The following MMD variants were observed in gnomAD, a reference collection of about 807,000 sequenced individuals.
The protein encoded by MMD is monocyte to macrophage differentiation factor.
MMD carries 22 observed loss-of-function variants against 33.6 expected under a neutral mutation model. The observed-to-expected ratio is 0.66, with a 90% CI of 0.47 to 0.94. The LOEUF is 0.94. Among genes scored for constraint, MMD ranks in the 40% least tolerant of loss-of-function variants. The pLI is 0.00. For synonymous variants in MMD, 97 were observed against 103.2 expected, an observed-to-expected ratio of 0.94 and a Z score of 0.36; for missense variants, 242 against 309.8, an observed-to-expected ratio of 0.78 and a Z score of 1.64.
intron 1 of MMD, among the ~76,000 whole-genome samples, chr17:55,416,189 G>A (rs1395249043): frequency 2.6e-5 from 4 of 152,174 alleles, no homozygotes; most frequent in Non-Finnish European, 2.9e-5. Context: ...GTAGGGTGCA[G>A]TAAGTAGGAT....
In MMD at chr17:55,411,421, AG is replaced by A; in HGVS notation, c.109-5del. The stretch of plus-strand genomic sequence containing the variant: ...CGATGGCCGGAACAATGAGGAACTG[AG>A]GGAAAGATAAAGAATGGTGAATGGA... On this transcript the variant is annotated splice_polypyrimidine_tract_variant and splice_region_variant and intron_variant, in intron 2 of 6. Coordinates refer to ENST00000262065, the MANE Select transcript of MMD (RefSeq NM_012329.3). 6.2e-7 allele frequency: 1 copy of A among 1,607,712 alleles called. No homozygotes were observed. Among genetic ancestry groups the A allele is most frequent in the Non-Finnish European group, 8.5e-7 (1 of 1,178,132 alleles).
intron 1 of MMD, among the ~76,000 whole-genome samples, chr17:55,414,556 TCACACACACACACACA>T (rs58103743): frequency 0.027 from 3,354 of 122,966 alleles, 150 homozygotes; most frequent in African/African-American, 0.1. Context: ...CCTCCTCCAT[TCACACACACACACACA>T]CACACACACA....
rs1907029298 is a variant in MMD at position 55,394,512 on chromosome 17, T to G, written c.539A>C (p.Glu180Ala). The change falls in exon 7 of 7, where the codon GAA becomes GCA. Residue 180 changes from glutamate to alanine, a missense_variant. Glu to Ala is a moderately radical substitution (Grantham distance 107, BLOSUM62 -1). Transcript: ENST00000262065. ...TSMNNTDGLQ[E>A]LACGGLIYCL... ...ATAAATTAAGCCCCCACAGGCAAGT[T>G]CCTGAAGTCCATCGGTGTTGTTCTG... The G allele has an allele frequency of 6.6e-7, 1 of 1,516,866 alleles. No individual in the cohort carries two copies. Among genetic ancestry groups the G allele is most frequent in the East Asian group, 2.6e-5 (1 of 38,918 alleles). 94.0% of individuals were successfully genotyped at this position (1,516,866 alleles called of 1,614,324 possible). A position where few individuals can be genotyped will look rare whatever the true frequency, so the allele number is the denominator to read the frequency against.
chr17:55,396,639 T>A (rs553748544), intron 6 of MMD, among the ~76,000 whole-genome samples: 170 of 152,126 alleles, frequency 1.1e-3, no homozygotes, highest in African/African-American at 3.9e-3. Context: ...TTTTCTGAGA[T>A]GGAGTCTTGT....
chr17:55,411,996 G>A (rs1416278520), intron 2 of MMD, among the ~76,000 whole-genome samples: 2 of 152,088 alleles, frequency 1.3e-5, no homozygotes, highest in African/African-American at 4.8e-5. Context: ...AAGACTGCTT[G>A]GGCCTGAAAG....
At chr17:55,407,893 T>A (rs190209161) in intron 3 of MMD, 73 bp from the exon 4 acceptor site, 3 of 1,044,776 alleles carry the variant, frequency 2.9e-6, no homozygotes, top group African/African-American at 3.3e-5. Context: ...CACTCCACTA[T>A]GTTGCAATTT....
At chr17:55,418,638 T>C (rs1442155889) in intron 1 of MMD, among the ~76,000 whole-genome samples, 2 of 152,230 alleles carry the variant, frequency 1.3e-5, no homozygotes, top group Admixed American at 6.5e-5. Flanking sequence ...AGCATATTTG[T>C]TCAGGAAAAG....
At chr17:55,411,484 A>G (rs1598434039) in intron 2 of MMD, 67 bp from the exon 3 acceptor site, 1 of 1,482,478 alleles carries the variant, frequency 6.7e-7, no homozygotes, top group East Asian at 2.3e-5. Context: ...CTTTTACTAA[A>G]AATACAGAGC....
rs147045001 is a variant in MMD, at chr17:55,413,674, TCTC to T, written c.108+474_108+476del. ...TTTTCTTCACCAATATGGAATAACATCTCCTCTGGGAAGCAATGGCCACTGTAG... is the reference window on the plus strand; with the variant it reads ...TTTTCTTCACCAATATGGAATAACATCTCTGGGAAGCAATGGCCACTGTAG... On this transcript the variant is annotated intron_variant, in intron 2 of 6. Coordinates refer to ENST00000262065, the MANE Select transcript of MMD (RefSeq NM_012329.3). 5.4e-3 allele frequency among the ~76,000 whole-genome samples: 821 copies of T among 152,290 alleles called. 10 individuals carry two copies. The highest frequency in any genetic ancestry group is 0.019 in the African/African-American group (798 of 41,554).
intron 6 of MMD, among the ~76,000 whole-genome samples, chr17:55,398,155 AC>A (rs1907193225): frequency 6.6e-6 from 1 of 151,396 alleles, no homozygotes; most frequent in Non-Finnish European, 1.5e-5. Context: ...AAAACAGAAA[AC>A]CCAAAACAAA....
At chr17:55,417,814 C>T (rs1285109186) in intron 1 of MMD, among the ~76,000 whole-genome samples, 2 of 152,100 alleles carry the variant, frequency 1.3e-5, no homozygotes, top group Non-Finnish European at 2.9e-5. Context: ...CAAACAACAA[C>T]AAAAAACCCA....
rs1477990307 is a variant in MMD, at chr17:55,393,845, A to AACT, written c.*486_*488dup. The AACT allele has an allele frequency of 1.3e-5, 2 of 152,690 alleles. No individual in the cohort carries two copies. The highest frequency in any genetic ancestry group is 2.4e-5 in the African/African-American group (1 of 41,456). 9.5% of individuals were successfully genotyped at this position (152,690 alleles called of 1,614,324 possible). ...AATATTTTTTTAAAAATTTACAAAA[A>AACT]ACTAAAGTTTCTATTTAAAAAAGAA... is the stretch of plus-strand genomic sequence containing the variant. On this transcript the variant is annotated 3_prime_UTR_variant, in exon 7 of 7. Transcript: ENST00000262065.
chr17:55,395,141 T>C (rs1434243469), intron 6 of MMD, among the ~76,000 whole-genome samples: 1 of 152,240 alleles, frequency 6.6e-6, no homozygotes, highest in Non-Finnish European at 1.5e-5. Flanking sequence ...CCAGGCCTTT[T>C]TGTATTCGAG....
intron 1 of MMD, among the ~76,000 whole-genome samples, chr17:55,417,809 A>G (rs536188522): frequency 1.3e-5 from 2 of 152,238 alleles, no homozygotes; most frequent in African/African-American, 2.4e-5. Context: ...AAAAACAAAC[A>G]ACAACAAAAA....
rs563545322 is a variant in MMD at position 55,394,552 on chromosome 17, A to T, written c.517-18T>A. The T allele has an allele frequency of 1.4e-5, 20 of 1,429,310 alleles. No individual in the cohort carries two copies. In the South Asian group the frequency reaches 2.5e-4, roughly 18 times the overall value. The allele number at this position is 1,429,310 out of a possible 1,614,324, so 88.5% of individuals were successfully genotyped here. On this transcript the variant is annotated intron_variant, in intron 6 of 6. Coordinates refer to ENST00000262065, the MANE Select transcript of MMD (RefSeq NM_012329.3). ...GTGTTGTTCTGTCAACAGAGAAAAA[A>T]AAATAAAAAGGGTTTGATGTTACTC...
intron 4 of MMD, among the ~76,000 whole-genome samples, chr17:55,407,007 G>A (rs765057728): frequency 1.3e-5 from 2 of 151,720 alleles, no homozygotes; most frequent in Non-Finnish European, 1.5e-5. Flanking sequence ...TTCCAGCCTG[G>A]GAGACAGAGT....
Position 55,399,609 on chromosome 17 carries a change from T to C in MMD, c.516+1860A>G, listed in dbSNP as rs528280593. Among the ~76,000 whole-genome samples, 33 of 152,372 alleles carry C rather than the reference T, an allele frequency of 2.2e-4. No individual in the cohort carries two copies. In the South Asian group the frequency reaches 6.8e-3, roughly 32 times the overall value. On this transcript the variant is annotated intron_variant, in intron 6 of 6. Transcript: ENST00000262065. Reference sequence around the variant, plus strand: ...CTACCTGTAACACTTGCCTCACCCCTACCATCTCTCAGCTTCTACATGTTT... The same window carrying C: ...CTACCTGTAACACTTGCCTCACCCCCACCATCTCTCAGCTTCTACATGTTT...
intron 1 of MMD, among the ~76,000 whole-genome samples, chr17:55,416,445 C>G (rs565451501): frequency 2.4e-4 from 36 of 152,272 alleles, no homozygotes; most frequent in Admixed American, 7.8e-4. Flanking sequence ...TTAAGGCACT[C>G]TATCCTGATG....
intron 4 of MMD, chr17:55,404,913 T>G (rs1485931131): frequency 4.6e-6 from 1 of 217,312 alleles, no homozygotes; most frequent in Non-Finnish European, 7.8e-6. Context: ...AATACAAAAG[T>G]TAGCTGGGCA....
Sources: allele counts gnomAD v4.1 joint callset (sites outside exome capture counted in the v4.1 genomes callset), GRCh38; gene constraint gnomAD v4.1.1; transcripts MANE v1.5; gene names NCBI Gene and HGNC (gene_info 2026-07-23, HGNC 2026-07-21).